Variants in ZFPM1 observed in about 807,000 individuals in gnomAD.
ZFPM1 encodes the protein zinc finger protein ZFPM1.
ZFPM1 carries 28 observed loss-of-function variants against 46.3 expected under a neutral mutation model. That is an observed-to-expected ratio of 0.60 (90% CI 0.45 to 0.83). ZFPM1 has a LOEUF of 0.83. Among genes scored for constraint, ZFPM1 ranks in the 40% least tolerant of loss-of-function variants. The pLI, the probability that ZFPM1 is intolerant of heterozygous loss-of-function variation, is 0.00. For synonymous variants in ZFPM1, 957 were observed against 675.9 expected (o/e 1.42, Z -6.45); for missense variants, 1,878 against 1,432.4 (o/e 1.31, Z -5.02).
intron 1 of ZFPM1, among the ~76,000 whole-genome samples, chr16:88,464,652 C>A (rs1908050535): frequency 6.6e-6 from 1 of 152,274 alleles, no homozygotes; most frequent in Admixed American, 6.5e-5. Context: ...CCTCTGGGGC[C>A]CTGGCTCAAG....
chr16:88,498,036 GC>G (rs1365846262), intron 3 of ZFPM1, among the ~76,000 whole-genome samples: 1 of 152,178 alleles, frequency 6.6e-6, no homozygotes, highest in African/African-American at 2.4e-5. Context: ...GCCCTGTGCT[GC>G]CCCCGATAGC....
intron 4 of ZFPM1, among the ~76,000 whole-genome samples, chr16:88,525,388 C>T (rs1912235023): frequency 6.6e-6 from 1 of 152,248 alleles, no homozygotes; most frequent in Non-Finnish European, 1.5e-5. Context: ...TGACTGCCAT[C>T]CTCACCACAG....
Position 88,532,154 on chromosome 16 carries a change from G to A in ZFPM1, c.865G>A (p.Glu289Lys), listed in dbSNP as rs1197916289. 30 of 1,612,456 alleles carry A rather than the reference G, an allele frequency of 1.9e-5. No individual in the cohort carries two copies. Among genetic ancestry groups the A allele is most frequent in the Non-Finnish European group, 2.4e-5 (28 of 1,179,788 alleles). The stretch of plus-strand genomic sequence containing the variant: ...GAAGCCCAAAGAGACCTACCCCAAC[G>A]AGCGCGTCTGCCCCTTCCCCCAGTG... ...DEKPKETYPN[E>K]RVCPFPQCRK... is the part of the protein sequence containing the mutation. Residue 289 changes from glutamate to lysine, a missense_variant, in exon 7 of 10, where the codon GAG (glutamate) becomes AAG (lysine). Coordinates refer to ENST00000319555, the MANE Select transcript of ZFPM1 (RefSeq NM_153813.3).
chr16:88,489,654 C>T (rs997096251), intron 3 of ZFPM1, among the ~76,000 whole-genome samples: 6 of 152,240 alleles, frequency 3.9e-5, no homozygotes, highest in African/African-American at 1.4e-4. Context: ...TCCACATACC[C>T]CGCGGGGCCT....
intron 1 of ZFPM1, among the ~76,000 whole-genome samples, chr16:88,462,308 G>T (rs769388746): frequency 9.8e-5 from 15 of 152,352 alleles, no homozygotes; most frequent in Admixed American, 7.2e-4. Context: ...TCCCCACCTG[G>T]AGCTGAAGTG....
At position 88,489,119 on chromosome 16, in the gene ZFPM1, G is replaced by C. The variant is rs139135934; in HGVS notation, c.234G>C (p.Thr78=). The C allele has an allele frequency of 1.2e-6, 2 of 1,611,236 alleles. No individual in the cohort carries two copies. Among genetic ancestry groups the C allele is most frequent in the Non-Finnish European group, 1.7e-6 (2 of 1,179,080 alleles). The change falls in exon 3 of 10, where the codon ACG becomes ACC. Residue 78 remains threonine, a synonymous_variant. Transcript: ENST00000319555. Reference sequence around the variant, plus strand: ...GACAGGAACCAGAACCCAGGCCCACGGAGGAAGAGCCGGGCAGTCCCTGGA... The same window carrying C: ...GACAGGAACCAGAACCCAGGCCCACCGAGGAAGAGCCGGGCAGTCCCTGGA... ...LEGQEPEPRP[T]EEEPGSPWSG...
intron 4 of ZFPM1, among the ~76,000 whole-genome samples, chr16:88,522,493 G>T (rs1202210143): frequency 6.6e-6 from 1 of 152,232 alleles, no homozygotes; most frequent in Non-Finnish European, 1.5e-5. Flanking sequence ...GGCTCCATGG[G>T]CCGGGCCACC....
intron 1 of ZFPM1, among the ~76,000 whole-genome samples, chr16:88,475,443 C>T (rs1369115288): frequency 6.6e-6 from 1 of 152,008 alleles, no homozygotes; most frequent in Non-Finnish European, 1.5e-5. Context: ...GAGACCAGAC[C>T]TCGGGCCTGG....
In ZFPM1 at chr16:88,493,173, C is replaced by T. The variant is rs562289151; in HGVS notation, c.268+4020C>T. On this transcript the variant is annotated intron_variant, in intron 3 of 9. Coordinates refer to ENST00000319555, the MANE Select transcript of ZFPM1 (RefSeq NM_153813.3). ...TGTCCCGGGGTGAGGAGAGCTGTCC[C>T]GGAGTGAGGAGAGCTGTCCCAGGGT... Among the ~76,000 whole-genome samples the T allele has an allele frequency of 1.8e-3, 187 of 106,106 alleles. 2 individuals are homozygous for T. Among genetic ancestry groups the T allele is most frequent in the African/African-American group, 5.3e-3 (178 of 33,740 alleles). The allele number at this position is 106,106 out of a possible 152,430, so 69.6% of individuals were successfully genotyped here. A position where few individuals can be genotyped will look rare whatever the true frequency, so the allele number is the denominator to read the frequency against.
chr16:88,526,361 G>A (rs1425839971), intron 4 of ZFPM1, among the ~76,000 whole-genome samples: 1 of 152,220 alleles, frequency 6.6e-6, no homozygotes, highest in Non-Finnish European at 1.5e-5. Flanking sequence ...GGGCCTGTGT[G>A]GAAGGAGCCT....
At position 88,489,346 on chromosome 16, in the gene ZFPM1, G is replaced by A. The variant is rs1034147665; in HGVS notation, c.268+193G>A. The A allele has an allele frequency of 4.3e-5, 37 of 864,150 alleles. 1 individual carries two copies. The highest frequency in any genetic ancestry group is 1.6e-4 in the African/African-American group (9 of 57,554). The allele number at this position is 864,150 out of a possible 1,614,324, so 53.5% of individuals were successfully genotyped here. A position where few individuals can be genotyped will look rare whatever the true frequency, so the allele number is the denominator to read the frequency against. On this transcript the variant is annotated intron_variant, in intron 3 of 9. Transcript: ENST00000319555. ...TATCACTGGAGCTTGGCACCCTCGC[G>A]CCAATCCCGGGCCTCACGTGGTGTA...
At position 88,480,365 on chromosome 16, in the gene ZFPM1, C is replaced by T. The variant is rs1203842601; in HGVS notation, c.41-5574C>T. Among the ~76,000 whole-genome samples, 1 of 152,120 alleles carries T rather than the reference C, an allele frequency of 6.6e-6. No homozygotes were observed. Among genetic ancestry groups the T allele is most frequent in the Admixed American group, 6.5e-5 (1 of 15,274 alleles). ...GGCTCAGGAAGGGGAAAGGAGCCAGCGAAAGCGAAGGAGGAAGAAGTGAGT... is the reference window on the plus strand; with the variant it reads ...GGCTCAGGAAGGGGAAAGGAGCCAGTGAAAGCGAAGGAGGAAGAAGTGAGT... On this transcript the variant is annotated intron_variant, in intron 1 of 9. Coordinates refer to ENST00000319555, the MANE Select transcript of ZFPM1 (RefSeq NM_153813.3). The surrounding 1 kb of genome is among the most constrained non-coding windows in gnomAD (Gnocchi z 4.9).
chr16:88,528,164 C>A lies in ZFPM1; in HGVS notation c.638C>A (p.Ala213Asp). The A allele has an allele frequency of 6.2e-7, 1 of 1,609,512 alleles. No individual in the cohort carries two copies. The highest frequency in any genetic ancestry group is 8.5e-7 in the Non-Finnish European group (1 of 1,179,092). Reference sequence around the variant, plus strand: ...GAGCCAGCAGAGCCCACGTGCCCGGCCCCTGCACACGACCTCCAGCTCCTG... The same window carrying A: ...GAGCCAGCAGAGCCCACGTGCCCGGACCCTGCACACGACCTCCAGCTCCTG... ...KKEPAEPTCP[A>D]PAHDLQLLPQ... is the part of the protein sequence containing the mutation. The change falls in exon 6 of 10, where the codon GCC becomes GAC. Residue 213 changes from alanine to aspartate, a missense_variant. By Grantham distance (126) the Ala-to-Asp change is moderately radical (BLOSUM62 -2). Transcript: ENST00000319555.
chr16:88,532,273 G>C (rs201035080), intron 7 of ZFPM1, 38 bp downstream of exon 7: 1 of 1,541,282 alleles, frequency 6.5e-7, no homozygotes, highest in Non-Finnish European at 8.8e-7. Context: ...TCAGGATGCC[G>C]GCTGCTTCCC....
chr16:88,467,813 C>A lies in ZFPM1; in HGVS notation c.40+14135C>A, dbSNP rs546081011. Among the ~76,000 whole-genome samples the A allele has an allele frequency of 1.1e-4, 17 of 152,228 alleles. No homozygotes were observed. In the South Asian group the frequency reaches 3.1e-3, roughly 28 times the overall value. On this transcript the variant is annotated intron_variant, in intron 1 of 9. Coordinates refer to ENST00000319555, the MANE Select transcript of ZFPM1 (RefSeq NM_153813.3). ...TGGGGGTGGGGTGTTTTCTACTCTACCACCCTACAACGAAAAAGAAGAAAA... is the reference window on the plus strand; with the variant it reads ...TGGGGGTGGGGTGTTTTCTACTCTAACACCCTACAACGAAAAAGAAGAAAA...
Position 88,471,837 on chromosome 16 carries a change from C to T in ZFPM1, c.41-14102C>T, listed in dbSNP as rs1025095214. Among the ~76,000 whole-genome samples, 3 of 152,250 alleles carry T rather than the reference C, an allele frequency of 2.0e-5. No individual in the cohort carries two copies. Among genetic ancestry groups the T allele is most frequent in the South Asian group, 2.1e-4 (1 of 4,832 alleles). ...CTGTGAAATCGGGGCGAGGCCCCCGCGGGCTGGGAGGGCTCTGGGCCTCCG... is the reference window on the plus strand; with the variant it reads ...CTGTGAAATCGGGGCGAGGCCCCCGTGGGCTGGGAGGGCTCTGGGCCTCCG... On this transcript the variant is annotated intron_variant, in intron 1 of 9. Transcript: ENST00000319555. This position sits in a 1 kb window ranked among gnomAD's most constrained non-coding sequence, Gnocchi z 4.1.
chr16:88,489,043 C>G lies in ZFPM1; in HGVS notation c.158C>G (p.Pro53Arg). 6.2e-7 allele frequency: 1 copy of G among 1,612,764 alleles called. No individual in the cohort carries two copies. Among genetic ancestry groups the G allele is most frequent in the Non-Finnish European group, 8.5e-7 (1 of 1,179,552 alleles). Reference protein sequence around the residue: ...PSPPSADVNSPPPLPPPTSPG... With the variant: ...PSPPSADVNSRPPLPPPTSPG... ...TTCCTCTCTGCAGATGTTAACTCACCCCCACCGCTGCCGCCCCCCACATCC... is the reference window on the plus strand; with the variant it reads ...TTCCTCTCTGCAGATGTTAACTCACGCCCACCGCTGCCGCCCCCCACATCC... The change falls in exon 3 of 10, where the codon CCC becomes CGC. Residue 53 changes from proline (P) to arginine (R), a missense_variant. Coordinates refer to ENST00000319555, the MANE Select transcript of ZFPM1 (RefSeq NM_153813.3).
chr16:88,457,509 A>G (rs1341085377), intron 1 of ZFPM1, among the ~76,000 whole-genome samples: 1 of 152,212 alleles, frequency 6.6e-6, no homozygotes, highest in Non-Finnish European at 1.5e-5. Context: ...TCCTTGGCCC[A>G]GTTGCCTCGT....
Position 88,532,707 on chromosome 16 carries a change from G to A in ZFPM1, c.1040G>A (p.Ser347Asn), listed in dbSNP as rs1316040634. The change falls in exon 8 of 10, where the codon AGC (serine) becomes AAC (asparagine). Residue 347 changes from serine to asparagine, a missense_variant and splice_region_variant. Coordinates refer to ENST00000319555, the MANE Select transcript of ZFPM1 (RefSeq NM_153813.3). ...CTCAAGGTGCACACGGACACGCTGA[G>A]CGGTAGGCACCGCAGGGGCCGGGGG... is the stretch of plus-strand genomic sequence containing the variant. ...RHLKVHTDTL[S>N]GVCHSCGFIS... 5 of 1,611,782 alleles carry A rather than the reference G, an allele frequency of 3.1e-6. No homozygotes were observed. Among genetic ancestry groups the A allele is most frequent in the Non-Finnish European group, 4.2e-6 (5 of 1,179,350 alleles).
Sources: gnomAD v4.1 joint callset for allele counts (sites outside exome capture counted in the v4.1 genomes callset) on GRCh38, gnomAD v4.1.1 for gene constraint, Gnocchi (gnomAD v3.1) non-coding constraint, MANE v1.5 for transcripts, NCBI Gene and HGNC (gene_info 2026-07-23, HGNC 2026-07-21) for gene names.